Variants in HTR1E observed in about 807,000 individuals in gnomAD.
HTR1E encodes 5-hydroxytryptamine receptor 1E, also known as 5-HT-1E.
Under a neutral mutation model 3.4 loss-of-function variants are expected in HTR1E, and 3 were observed. The ratio of observed to expected loss-of-function variants is 0.89; its 90% CI spans 0.41 to 2.31. HTR1E has a LOEUF of 2.31. Among genes scored for constraint, HTR1E ranks in the 30% most tolerant of loss-of-function variants. The probability of loss-of-function intolerance (pLI) is 0.05; values close to 1 mark genes in which losing one functional copy is unlikely to be tolerated. For synonymous variants in HTR1E, 170 were observed against 182.8 expected (o/e 0.93, Z 0.56); for missense variants, 392 against 467.0 (o/e 0.84, Z 1.48).
At chr6:86,974,893 T>A (rs1267763431) in intron 1 of HTR1E, among the ~76,000 whole-genome samples, 1 of 152,190 alleles carries the variant, frequency 6.6e-6, no homozygotes, top group Non-Finnish European at 1.5e-5. Context: ...CTTTGATACA[T>A]CCTCACCATT....
At chr6:86,942,338 T>C (rs894017017) in intron 1 of HTR1E, among the ~76,000 whole-genome samples, 5 of 152,212 alleles carry the variant, frequency 3.3e-5, no homozygotes, top group African/African-American at 1.2e-4. Flanking sequence ...AATTGTATAC[T>C]TACTTAAGTA....
At chr6:86,956,254 T>A (rs1049390361) in intron 1 of HTR1E, among the ~76,000 whole-genome samples, 8 of 152,192 alleles carry the variant, frequency 5.3e-5, no homozygotes, top group African/African-American at 1.2e-4. Context: ...CCAGGTCTTT[T>A]TCTGATCCCA....
At chr6:86,996,650 T>C (rs1767943349) in intron 1 of HTR1E, among the ~76,000 whole-genome samples, 2 of 151,960 alleles carry the variant, frequency 1.3e-5, no homozygotes, top group African/African-American at 4.8e-5. Context: ...ATATAACAAC[T>C]TAAATGAAAT....
chr6:86,963,846 G>A (rs1417133107), intron 1 of HTR1E, among the ~76,000 whole-genome samples: 1 of 152,106 alleles, frequency 6.6e-6, no homozygotes, highest in African/African-American at 2.4e-5. Flanking sequence ...ATTGCCTAAC[G>A]ACACATTTCT....
At chr6:86,948,865 A>G (rs1767168035) in intron 1 of HTR1E, among the ~76,000 whole-genome samples, 1 of 152,198 alleles carries the variant, frequency 6.6e-6, no homozygotes, top group Non-Finnish European at 1.5e-5. Context: ...CATGCCAGGA[A>G]CTGCAGGGAC....
chr6:86,958,495 G>A (rs1408702736), intron 1 of HTR1E, among the ~76,000 whole-genome samples: 3 of 152,048 alleles, frequency 2.0e-5, no homozygotes, highest in Admixed American at 6.6e-5. Flanking sequence ...ATAAGTATCT[G>A]TTGGCCTCTG....
At chr6:86,947,587 T>C (rs141592938) in intron 1 of HTR1E, among the ~76,000 whole-genome samples, 26 of 152,288 alleles carry the variant, frequency 1.7e-4, no homozygotes, top group Non-Finnish European at 2.6e-4. Context: ...ATTGATACTT[T>C]GATGAATTTC....
At chr6:86,987,462 T>C (rs1459705220) in intron 1 of HTR1E, among the ~76,000 whole-genome samples, 1 of 152,108 alleles carries the variant, frequency 6.6e-6, no homozygotes, top group African/African-American at 2.4e-5. Flanking sequence ...TAAGGAGCTT[T>C]ATCAGCACTA....
intron 1 of HTR1E, among the ~76,000 whole-genome samples, chr6:86,965,214 G>A (rs774194020): frequency 1.2e-4 from 18 of 152,170 alleles, no homozygotes; most frequent in Non-Finnish European, 1.9e-4. Flanking sequence ...CTCTGACAGA[G>A]CAAGCCATTG....
intron 1 of HTR1E, among the ~76,000 whole-genome samples, chr6:86,995,402 A>C (rs1031216497): frequency 6.6e-6 from 1 of 151,854 alleles, no homozygotes; most frequent in Non-Finnish European, 1.5e-5. Flanking sequence ...ACAGTGGCTC[A>C]AGCCTGTAAT....
Position 86,970,534 on chromosome 6 carries a change from G to T in HTR1E, c.-186+32711G>T, listed in dbSNP as rs1214505791. 5 of 178,842 alleles carry T rather than the reference G, an allele frequency of 2.8e-5. No individual in the cohort carries two copies. In the East Asian group the frequency reaches 5.3e-4, roughly 19 times the overall value. 11.1% of individuals were successfully genotyped at this position (178,842 alleles called of 1,614,324 possible). A position where few individuals can be genotyped will look rare whatever the true frequency, so the allele number is the denominator to read the frequency against. On this transcript the variant is annotated intron_variant, in intron 1 of 1. Coordinates refer to ENST00000305344, the MANE Select transcript of HTR1E (RefSeq NM_000865.3). ...AGCAAAGAAGTTTTGCAGAGCTGAA[G>T]ATCAAGCACCTGAGAAAGAAGTTTG... is the stretch of plus-strand genomic sequence containing the variant.
At chr6:86,965,104 C>G (rs181107228) in intron 1 of HTR1E, among the ~76,000 whole-genome samples, 26 of 152,214 alleles carry the variant, frequency 1.7e-4, no homozygotes, top group African/African-American at 5.3e-4. Context: ...GCTTCCAGAC[C>G]AAATCTGACT....
At chr6:87,009,677 G>A (rs1464748813) in intron 1 of HTR1E, among the ~76,000 whole-genome samples, 1 of 147,012 alleles carries the variant, frequency 6.8e-6, no homozygotes. Flanking sequence ...CGGGGCGGCT[G>A]GCCGGGCGGG....
intron 1 of HTR1E, among the ~76,000 whole-genome samples, chr6:86,948,133 G>A (rs916775220): frequency 1.2e-4 from 19 of 152,132 alleles, no homozygotes; most frequent in African/African-American, 4.6e-4. Context: ...AACACGTGGT[G>A]TTTGGTTTTC....
At chr6:86,984,212 C>T (rs1767751699) in intron 1 of HTR1E, among the ~76,000 whole-genome samples, 1 of 152,116 alleles carries the variant, frequency 6.6e-6, no homozygotes. Context: ...ACAAAAGCAG[C>T]AGTGGTTTCA....
At chr6:86,954,573 C>T (rs1404317956) in intron 1 of HTR1E, among the ~76,000 whole-genome samples, 1 of 152,160 alleles carries the variant, frequency 6.6e-6, no homozygotes, top group Non-Finnish European at 1.5e-5. Flanking sequence ...TACTGTGAGG[C>T]CCCTCTGCAG....
chr6:86,977,942 T>C (rs1767663071), intron 1 of HTR1E, among the ~76,000 whole-genome samples: 1 of 152,226 alleles, frequency 6.6e-6, no homozygotes, highest in African/African-American at 2.4e-5. Context: ...CTTAAATTCC[T>C]TTATCAGATG....
At chr6:87,003,594 T>C (rs1768056671) in intron 1 of HTR1E, among the ~76,000 whole-genome samples, 1 of 146,342 alleles carries the variant, frequency 6.8e-6, no homozygotes. Flanking sequence ...CAAATGAAAA[T>C]AGAAACACAA....
At chr6:86,979,215 A>G (rs1767679001) in intron 1 of HTR1E, among the ~76,000 whole-genome samples, 1 of 152,218 alleles carries the variant, frequency 6.6e-6, no homozygotes, top group Non-Finnish European at 1.5e-5. Context: ...CCTGAAAATC[A>G]CCACTAAATT....
Sources: allele counts gnomAD v4.1 joint callset (sites outside exome capture counted in the v4.1 genomes callset), GRCh38; gene constraint gnomAD v4.1.1; transcripts MANE v1.5; gene names NCBI Gene and HGNC (gene_info 2026-07-23, HGNC 2026-07-21).